The following BTBD1 variants were observed in gnomAD, a reference collection of about 807,000 sequenced individuals.
BTBD1 encodes BTB/POZ domain-containing protein 1.
Under a neutral mutation model 48.0 loss-of-function variants are expected in BTBD1, and 34 were observed. The observed-to-expected ratio is 0.71, with a 90% CI of 0.54 to 0.94. The LOEUF is 0.94. Ranked by LOEUF, BTBD1 falls within the 40% of genes least tolerant of loss-of-function variation. BTBD1 has a pLI of 0.00. For synonymous variants in BTBD1, 261 were observed against 242.1 expected (o/e 1.08, Z -0.72); for missense variants, 543 against 625.6 (o/e 0.87, Z 1.41).
At chr15:83,066,202 G>C (rs1252481667) in intron 1 of BTBD1, among the ~76,000 whole-genome samples, 1 of 152,116 alleles carries the variant, frequency 6.6e-6, no homozygotes, top group Non-Finnish European at 1.5e-5. Context: ...GGGAGGCTGA[G>C]GTCGGAGCAT....
intron 4 of BTBD1, among the ~76,000 whole-genome samples, chr15:83,035,530 C>T (rs766448978): frequency 2.0e-5 from 3 of 151,592 alleles, no homozygotes; most frequent in African/African-American, 4.8e-5. Flanking sequence ...AATTCTTAAT[C>T]GAATGCTAAT....
At chr15:83,056,131 C>G (rs2033077377) in intron 2 of BTBD1, among the ~76,000 whole-genome samples, 1 of 152,074 alleles carries the variant, frequency 6.6e-6, no homozygotes. Context: ...TCTTGAACTC[C>G]TGACCTCAAG....
At chr15:83,032,977 A>AAAAAAAAAAAAAAAAAAAAC (rs752456266) in intron 4 of BTBD1, among the ~76,000 whole-genome samples, 1 of 149,542 alleles carries the variant, frequency 6.7e-6, no homozygotes, top group African/African-American at 2.4e-5. Flanking sequence ...CTCAAAAAAA[A>AAAAAAAAAAAAAAAAAAAAC]AAAAAAAAAA....
At chr15:83,054,569 T>C (rs2033049727) in intron 2 of BTBD1, among the ~76,000 whole-genome samples, 1 of 150,628 alleles carries the variant, frequency 6.6e-6, no homozygotes, top group Non-Finnish European at 1.5e-5. Flanking sequence ...TTTTCTTTTT[T>C]TTTTTTTTTT....
At chr15:83,023,380 A>T (rs1190767846) in intron 5 of BTBD1, among the ~76,000 whole-genome samples, 1 of 152,096 alleles carries the variant, frequency 6.6e-6, no homozygotes, top group African/African-American at 2.4e-5. Context: ...TCTTTAAAAA[A>T]TTTTTATTTT....
intron 5 of BTBD1, among the ~76,000 whole-genome samples, chr15:83,028,222 A>C (rs993899161): frequency 6.6e-6 from 1 of 152,352 alleles, no homozygotes; most frequent in Admixed American, 6.5e-5. Context: ...ATGTCAAACA[A>C]GTATTCTTCT....
chr15:83,044,075 A>C (rs184354133), intron 3 of BTBD1, among the ~76,000 whole-genome samples: 5 of 152,342 alleles, frequency 3.3e-5, no homozygotes, highest in South Asian at 2.1e-4. Flanking sequence ...TGTGAAAAGA[A>C]GACGTTAAGC....
chr15:83,043,055 A>G (rs1029104928), intron 3 of BTBD1, among the ~76,000 whole-genome samples: 4 of 152,170 alleles, frequency 2.6e-5, no homozygotes, highest in African/African-American at 9.7e-5. Context: ...AGACAGCAGG[A>G]TCACTCGAGC....
At chr15:83,027,714 T>G (rs1244067041) in intron 5 of BTBD1, among the ~76,000 whole-genome samples, 3 of 152,224 alleles carry the variant, frequency 2.0e-5, no homozygotes, top group Admixed American at 2.0e-4. Flanking sequence ...AGTAGGCAAG[T>G]TCAGAAATAG....
At chr15:83,030,353 A>T in intron 4 of BTBD1, 25 bp from the exon 5 acceptor site, 1 of 1,563,882 alleles carries the variant, frequency 6.4e-7, no homozygotes, top group East Asian at 2.3e-5. Context: ...ACATAAGCCT[A>T]AAAAAAGGAA....
intron 3 of BTBD1, chr15:83,044,476 C>T (rs939255444): frequency 1.3e-6 from 2 of 1,576,742 alleles, no homozygotes; most frequent in Non-Finnish European, 1.7e-6. Flanking sequence ...AAAATGGACG[C>T]AATGGCCAAG....
chr15:83,067,002 C>A lies in BTBD1; in HGVS notation c.150G>T (p.Ala50=), dbSNP rs745735302. The change falls in exon 1 of 8, where the codon GCG becomes GCT. Residue 50 remains alanine (A), a synonymous_variant. Coordinates refer to ENST00000261721, the MANE Select transcript of BTBD1 (RefSeq NM_025238.4). ...LQREPLYNWQ[A]TKASLKERFA... The stretch of plus-strand genomic sequence containing the variant: ...AGCGCTCCTTCAGCGACGCCTTGGT[C>A]GCCTGCCAGTTGTAGAGAGGTTCCC... 1 of 1,585,886 alleles carries A rather than the reference C, an allele frequency of 6.3e-7. No homozygotes were observed. Among genetic ancestry groups the A allele is most frequent in the Non-Finnish European group, 8.6e-7 (1 of 1,168,076 alleles).
chr15:83,066,015 G>A (rs994928744), intron 1 of BTBD1, among the ~76,000 whole-genome samples: 4 of 152,282 alleles, frequency 2.6e-5, no homozygotes, highest in Admixed American at 6.5e-5. Context: ...AAAGTGGCCA[G>A]GCGCGGTGGT....
chr15:83,037,864 A>G (rs559600808), intron 4 of BTBD1, among the ~76,000 whole-genome samples: 3 of 152,172 alleles, frequency 2.0e-5, no homozygotes, highest in South Asian at 2.1e-4. Context: ...AGGGTGGATC[A>G]CCTGAGGTCA....
In BTBD1 at chr15:83,041,999, CTTATA is replaced by C. The variant is rs971219616; in HGVS notation, c.665-79_665-75del. 3.9e-5 allele frequency: 50 copies of C among 1,282,444 alleles called. No individual in the cohort carries two copies. The Admixed American group carries it at 6.0e-4, about 15-fold the overall frequency. 79.4% of individuals were successfully genotyped at this position (1,282,444 alleles called of 1,614,324 possible). The stretch of plus-strand genomic sequence containing the variant: ...TAACCAAGCAATACCAACAGACACA[CTTATA>C]TTAAGTTTTCAGATCTCAACAAAAA... On this transcript the variant is annotated intron_variant, in intron 3 of 7. Coordinates refer to ENST00000261721, the MANE Select transcript of BTBD1 (RefSeq NM_025238.4).
At chr15:83,061,902 G>C (rs901357765) in intron 1 of BTBD1, 1 of 152,250 alleles carries the variant, frequency 6.6e-6, no homozygotes, top group African/African-American at 2.4e-5. Flanking sequence ...TGCTGTGAGA[G>C]ATTAATTAGA....
chr15:83,050,016 A>C, intron 3 of BTBD1, 57 bp downstream of exon 3: 1 of 1,028,678 alleles, frequency 9.7e-7, no homozygotes, highest in Non-Finnish European at 1.5e-6. Context: ...AACAAGGCTG[A>C]CAAGTAAGGC....
intron 1 of BTBD1, chr15:83,061,553 T>C (rs1252752293): frequency 6.8e-6 from 1 of 146,122 alleles, no homozygotes; most frequent in African/African-American, 2.5e-5. Flanking sequence ...TGTGGCAGAG[T>C]GACATTGCAC....
intron 1 of BTBD1, among the ~76,000 whole-genome samples, chr15:83,059,651 T>C (rs944486575): frequency 7.9e-5 from 12 of 152,252 alleles, no homozygotes; most frequent in Non-Finnish European, 1.0e-4. Flanking sequence ...GGCACGATCA[T>C]AGCTCACTGT....
Sources: gnomAD v4.1 joint callset for allele counts (sites outside exome capture counted in the v4.1 genomes callset) on GRCh38, gnomAD v4.1.1 for gene constraint, MANE v1.5 for transcripts, NCBI Gene and HGNC (gene_info 2026-07-23, HGNC 2026-07-21) for gene names.